The following LRRC37A variants were observed in gnomAD, a reference collection of about 807,000 sequenced individuals.
LRRC37A encodes leucine-rich repeat-containing protein 37A.
LRRC37A carries 3 observed loss-of-function variants against 35.4 expected under a neutral mutation model. The ratio of observed to expected loss-of-function variants is 0.08; its 90% CI spans 0.04 to 0.22. The LOEUF is 0.22. LRRC37A is among the 10% of genes least tolerant of loss of function. The pLI is 1.00. For missense variants in LRRC37A, 67 were observed against 565.3 expected (o/e 0.12, Z 8.94); for synonymous variants, 23 against 215.0 (o/e 0.11, Z 7.81).
the LRRC37A span, chr17:46,268,835 C>CG: frequency 6.5e-6 from 4 of 612,784 alleles, no homozygotes; most frequent in Non-Finnish European, 9.6e-6. Context: ...ACTGTAATCT[C>CG]GAAGGTGTCA....
the LRRC37A span, among the ~76,000 whole-genome samples, chr17:46,262,404 G>A: frequency 1.3e-5 from 2 of 150,946 alleles, no homozygotes; most frequent in African/African-American, 4.9e-5. Context: ...ATAGAGATGG[G>A]ATTTTGCCAT....
the LRRC37A span, among the ~76,000 whole-genome samples, chr17:46,258,840 A>G: frequency 6.8e-6 from 1 of 147,858 alleles, no homozygotes; most frequent in African/African-American, 2.5e-5. Context: ...TCAGCCTCCC[A>G]AGTAGCTGAG....
the LRRC37A span, chr17:46,267,021 C>G: frequency 5.3e-6 from 1 of 187,258 alleles, no homozygotes; most frequent in African/African-American, 2.4e-5. Flanking sequence ...CCGCCCGCGC[C>G]GCCGCCGCGC....
At chr17:46,282,636 G>A in the LRRC37A span, among the ~76,000 whole-genome samples, 3 of 149,632 alleles carry the variant, frequency 2.0e-5, no homozygotes. Context: ...GGCCCAGGCT[G>A]GTCTTGAACT....
chr17:46,271,603 G>T, the LRRC37A span, among the ~76,000 whole-genome samples: 2 of 152,148 alleles, frequency 1.3e-5, no homozygotes, highest in Non-Finnish European at 2.9e-5. Context: ...GAAGTAGAGA[G>T]TTTGCCTAAA....
At chr17:46,250,509 G>A in the LRRC37A span, among the ~76,000 whole-genome samples, 1 of 152,210 alleles carries the variant, frequency 6.6e-6, no homozygotes, top group Admixed American at 6.5e-5. Context: ...TAGAATATAA[G>A]CAGGCAGAAA....
intron 2 of LRRC37A, 140 bp from the exon 3 acceptor site, chr17:46,302,498 A>G: frequency 1.1e-5 from 2 of 175,178 alleles, no homozygotes; most frequent in Non-Finnish European, 2.7e-5. Flanking sequence ...ATATAAGAAA[A>G]GGTTTGAATG....
At chr17:46,277,653 C>CTTTCTTTCTTTCTTTT in the LRRC37A span, among the ~76,000 whole-genome samples, 4,694 of 137,484 alleles carry the variant, frequency 0.034, no homozygotes, top group Middle Eastern at 0.054. Flanking sequence ...TTCTTTCTTT[C>CTTTCTTTCTTTCTTTT]TTTTTTTTTT....
chr17:46,248,670 C>A, the LRRC37A span, among the ~76,000 whole-genome samples: 1 of 151,926 alleles, frequency 6.6e-6, no homozygotes, highest in African/African-American at 2.4e-5. Context: ...CAGGCACATG[C>A]CACCACGCCT....
the LRRC37A span, among the ~76,000 whole-genome samples, chr17:46,285,450 C>T: frequency 1.3e-5 from 2 of 152,030 alleles, no homozygotes; most frequent in Non-Finnish European, 2.9e-5. Context: ...CCATGTTGGC[C>T]AGTCTGGTCT....
the LRRC37A span, among the ~76,000 whole-genome samples, chr17:46,283,017 G>A: frequency 3.9e-5 from 6 of 152,140 alleles, no homozygotes; most frequent in Admixed American, 3.3e-4. Flanking sequence ...TACGCGGGAG[G>A]CTGAGGCAGG....
chr17:46,262,846 G>A, the LRRC37A span, among the ~76,000 whole-genome samples: 1 of 151,890 alleles, frequency 6.6e-6, no homozygotes, highest in Non-Finnish European at 1.5e-5. Context: ...TCATTGGACA[G>A]AGCAAAAAGC....
the LRRC37A span, chr17:46,275,554 G>A: frequency 3.9e-6 from 2 of 508,712 alleles, no homozygotes; most frequent in African/African-American, 4.1e-5. Context: ...GAATAGAAAA[G>A]AACGATTAAG....
chr17:46,276,316 C>T, the LRRC37A span, among the ~76,000 whole-genome samples: 1 of 152,240 alleles, frequency 6.6e-6, no homozygotes, highest in African/African-American at 2.4e-5. Context: ...CAATAGTTTA[C>T]AATTTTTAAA....
chr17:46,269,394 T>C, the LRRC37A span, among the ~76,000 whole-genome samples: 1 of 151,928 alleles, frequency 6.6e-6, no homozygotes, highest in Admixed American at 6.6e-5. Flanking sequence ...ATTAGCCGGG[T>C]GTGGTGGCAC....
the LRRC37A span, among the ~76,000 whole-genome samples, chr17:46,278,319 C>A: frequency 9.2e-5 from 14 of 152,296 alleles, no homozygotes; most frequent in African/African-American, 3.4e-4. Context: ...AAATGAGAGC[C>A]AAGCTCACTT....
chr17:46,269,089 T>C, the LRRC37A span, among the ~76,000 whole-genome samples: 32 of 144,296 alleles, frequency 2.2e-4, no homozygotes, highest in Non-Finnish European at 4.8e-4. Context: ...TGATTTTATA[T>C]TCAAACCTGA....
chr17:46,273,177 C>T, the LRRC37A span, among the ~76,000 whole-genome samples: 11 of 152,136 alleles, frequency 7.2e-5, no homozygotes, highest in Non-Finnish European at 1.3e-4. Context: ...AATACTGTGA[C>T]GTGATGAGAT....
At chr17:46,265,252 CT>C in the LRRC37A span, among the ~76,000 whole-genome samples, 3 of 3,660 alleles carry the variant, frequency 8.2e-4, no homozygotes, top group Non-Finnish European at 2.2e-3. Flanking sequence ...TTCCTTTCTT[CT>C]TCTTCTTCTT....
Sources: allele counts gnomAD v4.1 joint callset (sites outside exome capture counted in the v4.1 genomes callset), GRCh38; gene constraint gnomAD v4.1.1; transcripts MANE v1.5; gene names NCBI Gene and HGNC (gene_info 2026-07-23, HGNC 2026-07-21).